HIVEP1: variants seen among roughly 807,000 people sequenced by gnomAD.
The protein encoded by HIVEP1 is HIVEP zinc finger 1.
Under a neutral mutation model 180.0 loss-of-function variants are expected in HIVEP1, and 36 were observed. That is an observed-to-expected ratio of 0.20 (90% CI 0.15 to 0.26). HIVEP1 has a LOEUF of 0.26. HIVEP1 is among the 10% of genes least tolerant of loss of function. HIVEP1 has a pLI of 1.00. For synonymous variants in HIVEP1, 1,239 were observed against 1,239.0 expected (o/e 1.00, Z 0.00); for missense variants, 3,143 against 3,268.7 (o/e 0.96, Z 0.94).
chr6:12,135,553 G>A (rs537912178), intron 6 of HIVEP1, among the ~76,000 whole-genome samples: 1 of 152,158 alleles, frequency 6.6e-6, no homozygotes, highest in Admixed American at 6.5e-5. Flanking sequence ...AAAACATAAG[G>A]TAAAGGAGAT....
At chr6:12,197,668 T>C in the HIVEP1 span, among the ~76,000 whole-genome samples, 1 of 152,054 alleles carries the variant, frequency 6.6e-6, no homozygotes, top group East Asian at 1.9e-4. Flanking sequence ...TATTTTAGAC[T>C]GTCTTATGAA....
chr6:12,125,350 T>C lies in HIVEP1; in HGVS notation c.5555T>C (p.Ile1852Thr), dbSNP rs112682021. Residue 1852 changes from isoleucine to threonine, a missense_variant, in exon 4 of 9, where the codon ATA (isoleucine) becomes ACA (threonine). Transcript: ENST00000379388. ...GCSKFVVIEP[I>T]SELQEFENIK... Reference sequence around the variant, plus strand: ...TCTAAATTTGTCGTTATAGAACCTATAAGTGAATTGCAGGAATTTGAAAAC... The same window carrying C: ...TCTAAATTTGTCGTTATAGAACCTACAAGTGAATTGCAGGAATTTGAAAAC... The C allele has an allele frequency of 3.7e-6, 6 of 1,614,158 alleles. No individual in the cohort carries two copies. The African/African-American group carries it at 6.7e-5, about 18-fold the overall frequency.
intron 2 of HIVEP1, among the ~76,000 whole-genome samples, chr6:12,041,099 C>T (rs1271876632): frequency 6.6e-6 from 1 of 152,154 alleles, no homozygotes; most frequent in Non-Finnish European, 1.5e-5. Flanking sequence ...ACAGTTTGCT[C>T]TCTCTCCTGC....
intron 7 of HIVEP1, among the ~76,000 whole-genome samples, chr6:12,145,173 T>C (rs976334732): frequency 6.6e-6 from 1 of 152,198 alleles, no homozygotes. Flanking sequence ...ATATTTACCA[T>C]GGAATACTCT....
At chr6:12,093,474 A>T (rs967450294) in intron 3 of HIVEP1, among the ~76,000 whole-genome samples, 7 of 150,910 alleles carry the variant, frequency 4.6e-5, no homozygotes, top group African/African-American at 1.2e-4. Context: ...ATATATATAT[A>T]TTTTCTATAT....
intron 4 of HIVEP1, among the ~76,000 whole-genome samples, chr6:12,127,186 C>T (rs924505861): frequency 7.9e-5 from 12 of 152,022 alleles, no homozygotes; most frequent in Non-Finnish European, 1.6e-4. Context: ...ATTAATAATA[C>T]ACGAAATGAC....
At chr6:12,009,220 C>T (rs1217083411), upstream of HIVEP1, among the ~76,000 whole-genome samples, 1 of 148,696 alleles carries the variant, frequency 6.7e-6, no homozygotes, top group African/African-American at 2.4e-5. Flanking sequence ...CGGGCCCGGC[C>T]GGGCGGCCGC....
At chr6:12,133,703 C>T (rs1339491571) in intron 6 of HIVEP1, among the ~76,000 whole-genome samples, 1 of 152,078 alleles carries the variant, frequency 6.6e-6, no homozygotes, top group Non-Finnish European at 1.5e-5. Flanking sequence ...TAAAAGAGGG[C>T]CAGGTGCGGT....
At chr6:12,144,425 C>T (rs1759238278) in intron 7 of HIVEP1, among the ~76,000 whole-genome samples, 1 of 152,146 alleles carries the variant, frequency 6.6e-6, no homozygotes, top group Non-Finnish European at 1.5e-5. Flanking sequence ...ACCATAAAAA[C>T]CCTAGAAGAA....
At chr6:12,115,175 T>G (rs1047546011) in intron 3 of HIVEP1, among the ~76,000 whole-genome samples, 2 of 152,160 alleles carry the variant, frequency 1.3e-5, no homozygotes, top group African/African-American at 4.8e-5. Flanking sequence ...GCTTTTAATC[T>G]GTTACTCTCT....
chr6:12,168,367 CATATACATGTATAT>C (rs1760814941), downstream of HIVEP1, among the ~76,000 whole-genome samples: 3 of 110,274 alleles, frequency 2.7e-5, no homozygotes, highest in African/African-American at 1.1e-4. Context: ...ATATTATATA[CATATACATGTATAT>C]ATGTATATAT....
intron 2 of HIVEP1, among the ~76,000 whole-genome samples, chr6:12,072,837 C>T (rs1041228596): frequency 6.6e-6 from 1 of 152,234 alleles, no homozygotes; most frequent in Non-Finnish European, 1.5e-5. Flanking sequence ...CTGAAATCTT[C>T]TACTCTTCAT....
At chr6:12,146,048 G>C (rs1211947499) in intron 7 of HIVEP1, among the ~76,000 whole-genome samples, 2 of 152,210 alleles carry the variant, frequency 1.3e-5, no homozygotes, top group Non-Finnish European at 2.9e-5. Context: ...TCTCTGACAG[G>C]AGAAATGGGG....
the HIVEP1 span, among the ~76,000 whole-genome samples, chr6:12,183,571 A>G: frequency 1.3e-5 from 2 of 152,150 alleles, no homozygotes; most frequent in African/African-American, 4.8e-5. Context: ...ATCTTGTCCT[A>G]CTTGGACTAG....
chr6:12,067,189 G>T (rs1771653326), intron 2 of HIVEP1, among the ~76,000 whole-genome samples: 1 of 152,038 alleles, frequency 6.6e-6, no homozygotes, highest in Non-Finnish European at 1.5e-5. Context: ...TTTAAATAAT[G>T]ATTAATTATT....
At chr6:12,168,373 CATGTATAT>C (rs1562025082), downstream of HIVEP1, among the ~76,000 whole-genome samples, 1 of 118,392 alleles carries the variant, frequency 8.4e-6, no homozygotes, top group African/African-American at 3.1e-5. Context: ...TATACATATA[CATGTATAT>C]ATGTATATAT....
At chr6:12,017,691 G>C (rs879640630) in intron 2 of HIVEP1, among the ~76,000 whole-genome samples, 2 of 152,178 alleles carry the variant, frequency 1.3e-5, no homozygotes, top group African/African-American at 4.8e-5. Context: ...TACAATCCCT[G>C]AGCTAGACAC....
At chr6:12,100,964 T>A (rs898203004) in intron 3 of HIVEP1, among the ~76,000 whole-genome samples, 2 of 152,214 alleles carry the variant, frequency 1.3e-5, no homozygotes, top group African/African-American at 2.4e-5. Flanking sequence ...GGATGAGAGA[T>A]AGTATGTGTT....
At chr6:12,195,909 A>G in the HIVEP1 span, among the ~76,000 whole-genome samples, 2 of 152,254 alleles carry the variant, frequency 1.3e-5, no homozygotes, top group Non-Finnish European at 2.9e-5. Flanking sequence ...TCAGAGATCT[A>G]CCAGAATAAC....
Sources: gnomAD v4.1 joint callset for allele counts (sites outside exome capture counted in the v4.1 genomes callset) on GRCh38, gnomAD v4.1.1 for gene constraint, MANE v1.5 for transcripts, NCBI Gene and HGNC (gene_info 2026-07-23, HGNC 2026-07-21) for gene names.